MLXIP: variants seen among roughly 807,000 people sequenced by gnomAD.
MLXIP encodes MLX interacting protein.
A neutral mutation model predicts 87.2 loss-of-function variants in MLXIP; 30 were observed. The observed-to-expected ratio is 0.34, with a 90% confidence interval of 0.26 to 0.47. MLXIP has a LOEUF of 0.47. MLXIP is among the 20% of genes least tolerant of loss of function. The pLI is 1.00. For missense variants in MLXIP, 1,002 were observed against 1,240.1 expected (o/e 0.81, Z 2.88); for synonymous variants, 530 against 514.0 (o/e 1.03, Z -0.42).
At chr12:122,079,915 G>A (rs544259753) in intron 1 of MLXIP, among the ~76,000 whole-genome samples, 1 of 152,326 alleles carries the variant, frequency 6.6e-6, no homozygotes, top group South Asian at 2.1e-4. Flanking sequence ...AAGACTTTTG[G>A]TGCCACAGCT....
intron 1 of MLXIP, among the ~76,000 whole-genome samples, chr12:122,106,708 C>A (rs1368884039): frequency 1.3e-5 from 2 of 148,640 alleles, no homozygotes; most frequent in Non-Finnish European, 3.0e-5. Flanking sequence ...TTCAAGTGAT[C>A]CTCCTGCCGT....
At chr12:122,098,622 T>C (rs1295107071) in intron 1 of MLXIP, among the ~76,000 whole-genome samples, 1 of 152,202 alleles carries the variant, frequency 6.6e-6, no homozygotes, top group Non-Finnish European at 1.5e-5. Context: ...GATGTTGGTT[T>C]CTGTGTAATT....
intron 1 of MLXIP, among the ~76,000 whole-genome samples, chr12:122,107,399 A>G (rs1952537915): frequency 6.6e-6 from 1 of 151,946 alleles, no homozygotes; most frequent in Non-Finnish European, 1.5e-5. Context: ...ATCCCCCCAC[A>G]GTCGTTCCCC....
rs1358943884 is a variant in MLXIP, at chr12:122,109,077, C to T, written c.414-18179C>T. On this transcript the variant is annotated intron_variant, in intron 1 of 16. Transcript: ENST00000319080. ...CCTCCTGAGTAGCTGGGATTACAAGCGTGCACCACCACACCTGGCTAATTT... is the reference window on the plus strand; with the variant it reads ...CCTCCTGAGTAGCTGGGATTACAAGTGTGCACCACCACACCTGGCTAATTT... 3.3e-5 allele frequency among the ~76,000 whole-genome samples: 5 copies of T among 152,180 alleles called. No individual in the cohort carries two copies. In the East Asian group the frequency reaches 7.7e-4, roughly 23 times the overall value.
rs1016253693 is a variant in MLXIP at position 122,129,620 on chromosome 12, C to T, written c.729C>T (p.Ser243=). 1 of 1,613,030 alleles carries T rather than the reference C, an allele frequency of 6.2e-7. No homozygotes were observed. The highest frequency in any genetic ancestry group is 8.5e-7 in the Non-Finnish European group (1 of 1,179,734). The change falls in exon 5 of 17, where the codon AGC becomes AGT. Residue 243 remains serine, a synonymous_variant. Coordinates refer to ENST00000319080, the MANE Select transcript of MLXIP (RefSeq NM_014938.6). The part of the protein sequence containing the change: ...LQQHKDEDLS[S]LVQDDDMLYW... ...AGCACAAGGATGAGGACCTCTCCAG[C>T]CTGGTCCAGGTGGGTGAGCCTGGGA...
chr12:122,128,896 G>T, intron 3 of MLXIP: 1 of 533,568 alleles, frequency 1.9e-6, no homozygotes, highest in Non-Finnish European at 3.4e-6. Flanking sequence ...AGAGCCTCAG[G>T]ACCGTGCCCC....
At chr12:122,134,995 TAG>T in intron 9 of MLXIP, 2 of 512,242 alleles carry the variant, frequency 3.9e-6, no homozygotes, top group Admixed American at 3.2e-5. Flanking sequence ...TTTTTAAAGT[TAG>T]TCACAACCTA....
At chr12:122,093,632 GGT>G (rs1329028560) in intron 1 of MLXIP, among the ~76,000 whole-genome samples, 1 of 125,744 alleles carries the variant, frequency 8.0e-6, no homozygotes, top group African/African-American at 3.1e-5. Flanking sequence ...TGTGTGTGTT[GGT>G]GTGTGGTGTG....
At chr12:122,123,722 G>T (rs1952822216) in intron 1 of MLXIP, among the ~76,000 whole-genome samples, 1 of 152,092 alleles carries the variant, frequency 6.6e-6, no homozygotes, top group African/African-American at 2.4e-5. Context: ...TGTTTTCTGA[G>T]ACGGTCTTGC....
At position 122,133,343 on chromosome 12, in the gene MLXIP, T is replaced by C. The variant is rs756297726; in HGVS notation, c.1093-5T>C. The C allele has an allele frequency of 1.3e-6, 2 of 1,548,146 alleles. No homozygotes were observed. The highest frequency in any genetic ancestry group is 4.5e-5 in the East Asian group (2 of 44,196). The stretch of plus-strand genomic sequence containing the variant: ...TGCTTCCTGGCTCCTTTCTTCCTTT[T>C]TCAGGAGAGCATCCTGCCGACCACA... On this transcript the variant is annotated splice_region_variant and splice_polypyrimidine_tract_variant and intron_variant, in intron 8 of 16. Coordinates refer to ENST00000319080, the MANE Select transcript of MLXIP (RefSeq NM_014938.6). The surrounding 1 kb of genome is among the most constrained non-coding windows in gnomAD (Gnocchi z 4.9).
chr12:122,127,184 G>A (rs1174399874), intron 1 of MLXIP, 72 bp from the exon 2 acceptor site: 10 of 1,191,462 alleles, frequency 8.4e-6, no homozygotes, highest in East Asian at 2.5e-5. Flanking sequence ...TGGAATGATC[G>A]GGTGGCACTT....
intron 1 of MLXIP, among the ~76,000 whole-genome samples, chr12:122,125,841 G>A (rs1284206265): frequency 1.3e-5 from 2 of 152,222 alleles, no homozygotes; most frequent in Admixed American, 1.3e-4. Flanking sequence ...GCTCCTTGGG[G>A]GTTTGGGTGG....
chr12:122,083,198 A>T (rs1477060420), intron 1 of MLXIP, among the ~76,000 whole-genome samples: 1 of 152,000 alleles, frequency 6.6e-6, no homozygotes, highest in African/African-American at 2.4e-5. Context: ...CCTTTTTAGA[A>T]ACTCCTTATT....
chr12:122,132,116 GT>G (rs1371697251), intron 7 of MLXIP, among the ~76,000 whole-genome samples, 175 bp from the exon 8 acceptor site: 1 of 151,730 alleles, frequency 6.6e-6, no homozygotes, highest in African/African-American at 2.4e-5. Flanking sequence ...TAGAGATGGA[GT>G]TTCACCATGT....
In MLXIP at chr12:122,141,191, G is replaced by A. The variant is rs1953195792; in HGVS notation, c.2638+108G>A. ...GACTCCACTGCAGGCAGCCAGGTGG[G>A]GCCGGGGCAGGGGCACAGTGCTGTC... On this transcript the variant is annotated intron_variant, in intron 16 of 16. Transcript: ENST00000319080. 1.7e-5 allele frequency: 24 copies of A among 1,439,152 alleles called. 2 individuals are homozygous for A. The South Asian group carries it at 3.1e-4, about 18-fold the overall frequency. The allele number at this position is 1,439,152 out of a possible 1,614,324, so 89.1% of individuals were successfully genotyped here.
At chr12:122,141,659 A>G in intron 16 of MLXIP, 32 bp from the exon 17 acceptor site, 1 of 1,610,188 alleles carries the variant, frequency 6.2e-7, no homozygotes, top group African/African-American at 1.3e-5. Context: ...GGTCTGTGTC[A>G]CTGCCTGTGT....
intron 8 of MLXIP, chr12:122,132,634 A>T: frequency 1.0e-5 from 5 of 490,204 alleles, no homozygotes; most frequent in Non-Finnish European, 1.8e-5. Context: ...ACCTATGTGC[A>T]GCTAGCTCTG....
At chr12:122,106,623 A>ATT (rs1952524965) in intron 1 of MLXIP, among the ~76,000 whole-genome samples, 1 of 94,948 alleles carries the variant, frequency 1.1e-5, no homozygotes. Flanking sequence ...TTTTTTTGAG[A>ATT]TGGAGTCTCA....
rs974085795 is a variant in MLXIP, at chr12:122,098,079, G to T, written c.413+18813G>T. On this transcript the variant is annotated intron_variant, in intron 1 of 16. Transcript: ENST00000319080. The stretch of plus-strand genomic sequence containing the variant: ...GCAGGGCCTGTGTGGAGCCAGCTGC[G>T]CTGCGCCTGATAAGTTTGTTTGCTT... Among the ~76,000 whole-genome samples the T allele has an allele frequency of 2.6e-5, 4 of 152,224 alleles. No homozygotes were observed. In the South Asian group the frequency reaches 8.3e-4, roughly 31 times the overall value.
Sources: allele counts gnomAD v4.1 joint callset (sites outside exome capture counted in the v4.1 genomes callset), GRCh38; gene constraint gnomAD v4.1.1; non-coding constraint Gnocchi (gnomAD v3.1); transcripts MANE v1.5; gene names NCBI Gene and HGNC (gene_info 2026-07-23, HGNC 2026-07-21).